PRKD1: variants seen among roughly 807,000 people sequenced by gnomAD.
PRKD1 encodes the protein protein kinase D1, also known as serine/threonine-protein kinase D1.
PRKD1 carries 63 observed loss-of-function variants against 95.9 expected under a neutral mutation model. The observed-to-expected ratio is 0.66, with a 90% CI of 0.54 to 0.81. The LOEUF is 0.81. Among genes scored for constraint, PRKD1 ranks in the 30% least tolerant of loss-of-function variants. The pLI is 0.00. For synonymous variants in PRKD1, 425 were observed against 423.1 expected, an observed-to-expected ratio of 1.00 and a Z score of -0.05; for missense variants, 1,048 against 1,165.3, an observed-to-expected ratio of 0.90 and a Z score of 1.47.
At chr14:29,912,077 A>G (rs1206487897) in intron 1 of PRKD1, among the ~76,000 whole-genome samples, 1 of 152,164 alleles carries the variant, frequency 6.6e-6, no homozygotes, top group Non-Finnish European at 1.5e-5. Context: ...TGCTCTTCAT[A>G]TTCACCTGTC....
intron 4 of PRKD1, among the ~76,000 whole-genome samples, chr14:29,648,081 G>A (rs1881245960): frequency 6.6e-6 from 1 of 152,168 alleles, no homozygotes; most frequent in South Asian, 2.1e-4. Flanking sequence ...CAAAATATGT[G>A]GGAAAGAGAT....
At chr14:29,905,777 C>T (rs571626218) in intron 1 of PRKD1, among the ~76,000 whole-genome samples, 2 of 152,272 alleles carry the variant, frequency 1.3e-5, no homozygotes, top group Non-Finnish European at 2.9e-5. Context: ...GCTTAAAATA[C>T]AGCGGGTATG....
intron 2 of PRKD1, among the ~76,000 whole-genome samples, chr14:29,680,686 TGAA>T (rs1883491211): frequency 6.6e-6 from 1 of 152,130 alleles, no homozygotes; most frequent in African/African-American, 2.4e-5. Flanking sequence ...CATTTAAGTG[TGAA>T]AACTCCATCG....
chr14:29,795,081 TTC>T (rs1213432561), intron 1 of PRKD1, among the ~76,000 whole-genome samples: 2 of 152,124 alleles, frequency 1.3e-5, no homozygotes, highest in Admixed American at 1.3e-4. Context: ...TTTGTTTTCA[TTC>T]TCTGAATATC....
intron 1 of PRKD1, among the ~76,000 whole-genome samples, chr14:29,926,580 TC>T (rs1895304655): frequency 6.6e-6 from 1 of 152,090 alleles, no homozygotes; most frequent in Non-Finnish European, 1.5e-5. Context: ...CTCGGGGTGT[TC>T]CTGGACATCA....
intron 1 of PRKD1, among the ~76,000 whole-genome samples, chr14:29,855,934 T>C (rs1892482827): frequency 6.6e-6 from 1 of 152,208 alleles, no homozygotes; most frequent in African/African-American, 2.4e-5. Flanking sequence ...AACTGTTAAG[T>C]TCATTAAACC....
chr14:29,664,065 C>T (rs1882344405), intron 3 of PRKD1, among the ~76,000 whole-genome samples: 2 of 152,000 alleles, frequency 1.3e-5, no homozygotes, highest in Non-Finnish European at 2.9e-5. Context: ...TGCACAAGCT[C>T]AGGAACTATG....
intron 2 of PRKD1, among the ~76,000 whole-genome samples, chr14:29,707,439 T>C (rs994714413): frequency 3.9e-5 from 6 of 152,222 alleles, no homozygotes; most frequent in African/African-American, 7.2e-5. Context: ...TTAATTTATA[T>C]GTATTGTGCT....
chr14:29,630,729 C>A lies in PRKD1; in HGVS notation c.1672+13G>T, dbSNP rs763950128. The A allele has an allele frequency of 1.2e-6, 2 of 1,613,806 alleles. No individual in the cohort carries two copies. The highest frequency in any genetic ancestry group is 2.7e-5 in the African/African-American group (2 of 74,892). ...GATGAGCTTTGGGCTGGTTAGAAAA[C>A]TGGCAGACTCACTGTGCAAGTTGGT... On this transcript the variant is annotated intron_variant, in intron 10 of 17. Coordinates refer to ENST00000331968, the MANE Select transcript of PRKD1 (RefSeq NM_002742.3).
chr14:29,638,439 A>C, intron 6 of PRKD1, 50 bp downstream of exon 6: 1 of 1,593,090 alleles, frequency 6.3e-7, no homozygotes, highest in East Asian at 2.2e-5. Context: ...ACATCACCAC[A>C]CTCTCTAATA....
chr14:29,728,425 T>C (rs2139402623), intron 1 of PRKD1, among the ~76,000 whole-genome samples: 1 of 152,324 alleles, frequency 6.6e-6, no homozygotes, highest in East Asian at 1.9e-4. Flanking sequence ...TTTATTGCAA[T>C]CTATGTAACC....
At chr14:29,745,979 T>C (rs1486493756) in intron 1 of PRKD1, among the ~76,000 whole-genome samples, 2 of 152,170 alleles carry the variant, frequency 1.3e-5, no homozygotes, top group East Asian at 3.9e-4. Flanking sequence ...GACGGTCCGT[T>C]CCCCTTTGAC....
chr14:29,686,008 T>C (rs1308423481), intron 2 of PRKD1, among the ~76,000 whole-genome samples: 1 of 152,164 alleles, frequency 6.6e-6, no homozygotes, highest in Non-Finnish European at 1.5e-5. Flanking sequence ...TATCTTTCCA[T>C]AGTAACAGTA....
intron 16 of PRKD1, among the ~76,000 whole-genome samples, chr14:29,583,484 C>G (rs1008714666): frequency 7.2e-5 from 11 of 152,104 alleles, no homozygotes; most frequent in Non-Finnish European, 1.3e-4. Context: ...AAACATGACA[C>G]CAACCTTTTC....
chr14:29,927,376 A>G lies in PRKD1; in HGVS notation c.137T>C (p.Val46Ala), dbSNP rs764734027. ...CTGCAGATGGAACGAGATGCCCCCG[A>G]CCGGGGCCGCGACAGGAGCCAAGAA... The part of the protein sequence containing the change: ...APFLAPVAAP[V>A]GGISFHLQIG... Residue 46 changes from valine to alanine, a missense_variant, in exon 1 of 18, where the codon GTC (valine) becomes GCC (alanine). Coordinates refer to ENST00000331968, the MANE Select transcript of PRKD1 (RefSeq NM_002742.3). The G allele has an allele frequency of 3.0e-5, 46 of 1,550,156 alleles. 2 individuals are homozygous for G. The highest frequency in any genetic ancestry group is 2.6e-6 in the Non-Finnish European group (3 of 1,150,706).
chr14:29,660,077 A>G (rs1339717200), intron 4 of PRKD1, among the ~76,000 whole-genome samples: 2 of 152,120 alleles, frequency 1.3e-5, no homozygotes, highest in African/African-American at 4.8e-5. Flanking sequence ...TCTACCTACA[A>G]TTGATTTCGT....
chr14:29,610,645 C>A (rs1878398985), intron 13 of PRKD1, among the ~76,000 whole-genome samples: 1 of 152,188 alleles, frequency 6.6e-6, no homozygotes, highest in African/African-American at 2.4e-5. Context: ...ACTTAATATA[C>A]TATCATACTT....
intron 1 of PRKD1, among the ~76,000 whole-genome samples, chr14:29,812,917 G>A (rs1441537039): frequency 2.6e-5 from 4 of 152,024 alleles, no homozygotes; most frequent in African/African-American, 4.8e-5. Context: ...TTGACCAGCC[G>A]GCCTACATGG....
intron 1 of PRKD1, among the ~76,000 whole-genome samples, chr14:29,830,600 T>C (rs182903488): frequency 1.3e-4 from 19 of 151,978 alleles, no homozygotes; most frequent in African/African-American, 4.3e-4. Context: ...TTTTAATCAA[T>C]ACATTAAAAA....
Sources: allele counts gnomAD v4.1 joint callset (sites outside exome capture counted in the v4.1 genomes callset), GRCh38; gene constraint gnomAD v4.1.1; transcripts MANE v1.5; gene names NCBI Gene and HGNC (gene_info 2026-07-23, HGNC 2026-07-21).